The following OR2C1 variants were observed in gnomAD, a reference collection of about 807,000 sequenced individuals.
OR2C1 encodes the protein olfactory receptor 2C1.
For synonymous variants in OR2C1, 209 were observed against 167.3 expected (o/e 1.25, Z -1.92); for missense variants, 468 against 388.3 (o/e 1.21, Z -1.73).
the OR2C1 span, among the ~76,000 whole-genome samples, chr16:3,334,904 C>A: frequency 6.6e-6 from 1 of 151,832 alleles, no homozygotes; most frequent in Non-Finnish European, 1.5e-5. Flanking sequence ...CTGCAGCCTC[C>A]GCCTCCCGAG....
the OR2C1 span, among the ~76,000 whole-genome samples, chr16:3,341,401 G>C: frequency 1.3e-5 from 2 of 152,068 alleles, no homozygotes; most frequent in Non-Finnish European, 1.5e-5. Context: ...AATAGAGATA[G>C]TTTTACTTCT....
At position 3,356,790 on chromosome 16, in the gene OR2C1, A is replaced by G. The variant is rs766941703; in HGVS notation, c.850A>G (p.Met284Val). ...CCTGTTCTACTCGTTGGTCACACCC[A>G]TGGTGAATCCCCTCATCTACACGCT... ...ISLFYSLVTP[M>V]VNPLIYTLRN... Residue 284 changes from methionine (M) to valine (V), a missense_variant, in exon 1 of 1, where the codon ATG becomes GTG. Coordinates refer to ENST00000304936, the MANE Select transcript of OR2C1 (RefSeq NM_012368.3). The G allele has an allele frequency of 1.5e-5, 24 of 1,610,224 alleles. No individual in the cohort carries two copies. In the East Asian group the frequency reaches 3.4e-4, roughly 22 times the overall value.
At chr16:3,347,165 T>C in the OR2C1 span, among the ~76,000 whole-genome samples, 1 of 143,422 alleles carries the variant, frequency 7.0e-6, no homozygotes. Flanking sequence ...GTGAATCACT[T>C]GAACCCGGGA....
the OR2C1 span, among the ~76,000 whole-genome samples, chr16:3,332,177 GTAAC>G: frequency 5.3e-5 from 8 of 151,574 alleles, no homozygotes; most frequent in Non-Finnish European, 1.2e-4. Flanking sequence ...GTATACATAT[GTAAC>G]TAACCTGCAC....
chr16:3,333,437 G>A, the OR2C1 span, among the ~76,000 whole-genome samples: 6 of 151,972 alleles, frequency 3.9e-5, no homozygotes, highest in East Asian at 9.7e-4. Context: ...CCGGGTTCGC[G>A]CCATTCTCCT....
Position 3,356,219 on chromosome 16 carries a change from C to T in OR2C1, c.279C>T (p.Ser93=), listed in dbSNP as rs575928527. ...INLWGPGKTI[S]YGGCITQLYV... is the part of the protein sequence containing the mutation. ...TATGGGGACCAGGCAAGACCATCAGCTATGGTGGCTGCATAACCCAGCTCT... is the reference window on the plus strand; with the variant it reads ...TATGGGGACCAGGCAAGACCATCAGTTATGGTGGCTGCATAACCCAGCTCT... Residue 93 remains serine, a synonymous_variant, in exon 1 of 1, where the codon AGC becomes AGT. Coordinates refer to ENST00000304936, the MANE Select transcript of OR2C1 (RefSeq NM_012368.3). 2.8e-5 allele frequency: 45 copies of T among 1,614,094 alleles called. No homozygotes were observed. The highest frequency in any genetic ancestry group is 1.6e-4 in the African/African-American group (12 of 74,936).
chr16:3,328,772 G>C, the OR2C1 span, among the ~76,000 whole-genome samples: 1 of 152,072 alleles, frequency 6.6e-6, no homozygotes, highest in African/African-American at 2.4e-5. Context: ...TGACAAACAG[G>C]GTTGACAAAT....
the OR2C1 span, among the ~76,000 whole-genome samples, chr16:3,347,526 TC>T: frequency 6.6e-6 from 1 of 151,676 alleles, no homozygotes; most frequent in Non-Finnish European, 1.5e-5. Context: ...CAGTGTCCCC[TC>T]CTCCGTCCAC....
chr16:3,323,024 T>C, the OR2C1 span: 32 of 679,558 alleles, frequency 4.7e-5, no homozygotes, highest in South Asian at 4.0e-4. Flanking sequence ...GTACTTGCCA[T>C]GAACCTAAGC....
the OR2C1 span, among the ~76,000 whole-genome samples, chr16:3,327,415 C>G: frequency 6.6e-6 from 1 of 152,126 alleles, no homozygotes; most frequent in African/African-American, 2.4e-5. Flanking sequence ...GACCTCTGTC[C>G]CATAGGAGCA....
the OR2C1 span, among the ~76,000 whole-genome samples, chr16:3,325,770 T>G: frequency 4.0e-5 from 6 of 151,548 alleles, no homozygotes; most frequent in Admixed American, 6.6e-5. Context: ...TTCACTATGT[T>G]TTTGCTTTGT....
upstream of OR2C1, among the ~76,000 whole-genome samples, chr16:3,351,571 A>G (rs2030574835): frequency 2.0e-5 from 3 of 152,132 alleles, no homozygotes; most frequent in South Asian, 2.1e-4. Context: ...CATAGGACCT[A>G]TGTCCTCCTT....
the OR2C1 span, among the ~76,000 whole-genome samples, chr16:3,339,162 C>T: frequency 3.3e-5 from 5 of 152,088 alleles, no homozygotes; most frequent in African/African-American, 7.2e-5. Context: ...TTTTCAGGCT[C>T]GTCTACATTG....
chr16:3,348,523 T>A, the OR2C1 span, among the ~76,000 whole-genome samples: 4 of 152,142 alleles, frequency 2.6e-5, no homozygotes, highest in Admixed American at 1.3e-4. Context: ...TGTGATCATG[T>A]TTATAAACCG....
chr16:3,334,941 C>T, the OR2C1 span, among the ~76,000 whole-genome samples: 1 of 152,052 alleles, frequency 6.6e-6, no homozygotes, highest in Non-Finnish European at 1.5e-5. Context: ...GCCTTAGCCT[C>T]CCCAGTAGCT....
At chr16:3,330,117 T>C in the OR2C1 span, among the ~76,000 whole-genome samples, 6 of 151,090 alleles carry the variant, frequency 4.0e-5, no homozygotes, top group African/African-American at 1.5e-4. Context: ...GTTTGTTTGT[T>C]TTGTTTTGAG....
At chr16:3,323,254 G>C in the OR2C1 span, 1 of 793,564 alleles carries the variant, frequency 1.3e-6, no homozygotes, top group Non-Finnish European at 2.2e-6. Flanking sequence ...ATCTCCTTGA[G>C]GAAGCCCACT....
the OR2C1 span, among the ~76,000 whole-genome samples, chr16:3,325,498 TATATATAC>T: frequency 2.1e-5 from 2 of 95,654 alleles, no homozygotes; most frequent in Admixed American, 2.3e-4. Context: ...TATATATATA[TATATATAC>T]ACTTTAAAAA....
At position 3,356,962 on chromosome 16, in the gene OR2C1, A is replaced by C; in HGVS notation, c.*83A>C. 8.2e-7 allele frequency: 1 copy of C among 1,223,814 alleles called. No individual in the cohort carries two copies. The highest frequency in any genetic ancestry group is 2.6e-5 in the East Asian group (1 of 39,090). The allele number at this position is 1,223,814 out of a possible 1,614,324, so 75.8% of individuals were successfully genotyped here. A position where few individuals can be genotyped will look rare whatever the true frequency, so the allele number is the denominator to read the frequency against. On this transcript the variant is annotated 3_prime_UTR_variant, in exon 1 of 1. Transcript: ENST00000304936. The stretch of plus-strand genomic sequence containing the variant: ...TCTCTCTGGCCAGGTGAACATGAGG[A>C]ATACTAATTCCGGTAAAACCAAGGC...
Sources: gnomAD v4.1 joint callset for allele counts (sites outside exome capture counted in the v4.1 genomes callset) on GRCh38, gnomAD v4.1.1 for gene constraint, MANE v1.5 for transcripts, NCBI Gene and HGNC (gene_info 2026-07-23, HGNC 2026-07-21) for gene names.